The following ZP3 variants were observed in gnomAD, a reference collection of about 807,000 sequenced individuals.
The protein encoded by ZP3 is zona pellucida glycoprotein 3.
Under a neutral mutation model 35.6 loss-of-function variants are expected in ZP3, and 21 were observed. The observed-to-expected ratio is 0.59, with a 90% CI of 0.42 to 0.85. ZP3 has a LOEUF of 0.85. ZP3 is among the 40% of genes least tolerant of loss of function. The pLI, the probability that ZP3 is intolerant of heterozygous loss-of-function variation, is 0.00. For missense variants in ZP3, 437 were observed against 536.5 expected (o/e 0.81, Z 1.83); for synonymous variants, 207 against 214.5 (o/e 0.96, Z 0.31).
chr7:76,401,008 C>G, intron 1 of ZP3: 1 of 1,550,558 alleles, frequency 6.4e-7, no homozygotes, highest in Non-Finnish European at 8.7e-7. Flanking sequence ...GGGCACCTAC[C>G]TTGAAAGGGC....
chr7:76,414,223 C>G (rs568257725), intron 1 of ZP3, among the ~76,000 whole-genome samples: 2 of 151,744 alleles, frequency 1.3e-5, no homozygotes, highest in East Asian at 1.9e-4. Flanking sequence ...TCTTGAACTC[C>G]TGGCCTCAAG....
At chr7:76,403,886 C>T (rs1230205177) in intron 1 of ZP3, among the ~76,000 whole-genome samples, 7 of 152,108 alleles carry the variant, frequency 4.6e-5, no homozygotes, top group Admixed American at 4.6e-4. Context: ...TGGTCTCAAA[C>T]TCCTGATCTC....
intron 1 of ZP3, chr7:76,429,153 G>A: frequency 3.6e-6 from 1 of 274,486 alleles, no homozygotes; most frequent in Non-Finnish European, 7.3e-6. Context: ...GTGTTACATG[G>A]TATCTGCCAT....
At chr7:76,433,724 AGT>A in intron 4 of ZP3, 77 bp downstream of exon 4, 1 of 1,439,638 alleles carries the variant, frequency 6.9e-7, no homozygotes, top group African/African-American at 1.4e-5. Flanking sequence ...TTTTTGAGAC[AGT>A]GTCACTCTGT....
intron 1 of ZP3, among the ~76,000 whole-genome samples, chr7:76,398,064 G>C (rs1444147062): frequency 6.6e-6 from 1 of 152,058 alleles, no homozygotes; most frequent in Non-Finnish European, 1.5e-5. Flanking sequence ...AGCCTGGGAC[G>C]TGCTGCCTTC....
chr7:76,411,015 A>G (rs2115836721), intron 1 of ZP3, among the ~76,000 whole-genome samples: 1 of 149,664 alleles, frequency 6.7e-6, no homozygotes, highest in East Asian at 2.0e-4. Context: ...AAAAAAAAAA[A>G]AAGAAAAGAA....
chr7:76,406,114 T>C (rs914254026), intron 1 of ZP3, among the ~76,000 whole-genome samples: 12 of 151,884 alleles, frequency 7.9e-5, no homozygotes, highest in African/African-American at 2.9e-4. Flanking sequence ...GCCTCCTGAG[T>C]AGCTGGGATT....
At chr7:76,440,725 C>A in intron 7 of ZP3, 114 bp downstream of exon 7, 1 of 1,486,218 alleles carries the variant, frequency 6.7e-7, no homozygotes, top group South Asian at 1.4e-5. Flanking sequence ...ACTGTTTGTA[C>A]CTAGGCCTGC....
chr7:76,422,685 A>C (rs993841339), upstream of ZP3, among the ~76,000 whole-genome samples: 2 of 147,558 alleles, frequency 1.4e-5, no homozygotes, highest in Non-Finnish European at 3.0e-5. Context: ...TCTCAAAAAA[A>C]AAAAAAAGAA....
chr7:76,417,223 A>C (rs1274269877), intron 1 of ZP3, among the ~76,000 whole-genome samples: 2 of 151,508 alleles, frequency 1.3e-5, no homozygotes, highest in Non-Finnish European at 2.9e-5. Flanking sequence ...ATGCCCGGCT[A>C]ATTTGTTGTA....
intron 1 of ZP3, among the ~76,000 whole-genome samples, chr7:76,405,340 T>TTTCTTTC (rs3081031): frequency 0.17 from 8,105 of 48,890 alleles, 1,966 homozygotes; most frequent in African/African-American, 0.33. Context: ...TCTTTCTTTC[T>TTTCTTTC]TTTTTTTTTT....
At chr7:76,420,103 C>T (rs1285415644), upstream of ZP3, among the ~76,000 whole-genome samples, 2 of 151,040 alleles carry the variant, frequency 1.3e-5, no homozygotes, top group Non-Finnish European at 3.0e-5. Flanking sequence ...CACCCAGCCT[C>T]TTCTTTCTCT....
chr7:76,421,787 C>A (rs918020703), upstream of ZP3, among the ~76,000 whole-genome samples: 1 of 151,710 alleles, frequency 6.6e-6, no homozygotes, highest in Admixed American at 6.6e-5. Context: ...TATTCTTCCT[C>A]CTCTCTTGCA....
Position 76,429,594 on chromosome 7 carries a change from C to T in ZP3, c.392C>T (p.Thr131Ile), listed in dbSNP as rs1425169174. The T allele has an allele frequency of 6.2e-7, 1 of 1,614,118 alleles. No homozygotes were observed. ...RPVGNLSIVR[T>I]NRAEIPIECR... ...GTGGGAAACCTGTCCATCGTGAGGA[C>T]TAACCGCGCAGAGATTCCCATCGAG... is the stretch of plus-strand genomic sequence containing the variant. The change falls in exon 2 of 8, where the codon ACT becomes ATT. Residue 131 changes from threonine (T) to isoleucine (I), a missense_variant. Thr to Ile is a moderately conservative substitution (Grantham distance 89). This residue lies in a region of ZP3 where 352 missense variants were observed against 308.4 expected (regional missense o/e 1.14). Transcript: ENST00000394857.
At chr7:76,412,812 G>A (rs1805281304) in intron 1 of ZP3, among the ~76,000 whole-genome samples, 1 of 150,834 alleles carries the variant, frequency 6.6e-6, no homozygotes, top group Non-Finnish European at 1.5e-5. Flanking sequence ...TCGCGCCATT[G>A]CACTCCAGCC....
At position 76,398,734 on chromosome 7, in the gene ZP3, A is replaced by G. The variant is rs199969827; in HGVS notation, c.-67+937A>G. The G allele has an allele frequency of 5.6e-6, 9 of 1,613,364 alleles. No individual in the cohort carries two copies. In the East Asian group the frequency reaches 2.0e-4, roughly 36 times the overall value. On this transcript the variant is annotated intron_variant, in intron 1 of 8. Transcript: ENST00000336517. ...TGCTTACGTACTTTTTCCATTCGGCAGTGTCGTAGGAGGTGCTCTACTGGT... is the reference window on the plus strand; with the variant it reads ...TGCTTACGTACTTTTTCCATTCGGCGGTGTCGTAGGAGGTGCTCTACTGGT...
At chr7:76,432,835 G>A in intron 2 of ZP3, 92 bp from the exon 3 acceptor site, 1 of 1,085,210 alleles carries the variant, frequency 9.2e-7, no homozygotes, top group Non-Finnish European at 1.4e-6. Flanking sequence ...TGAGGACCCT[G>A]TAGTGGGGTA....
At chr7:76,439,326 A>C (rs113599682) in intron 5 of ZP3, among the ~76,000 whole-genome samples, 4,648 of 149,404 alleles carry the variant, frequency 0.031, no homozygotes, top group African/African-American at 0.11. Context: ...GCAGCGTCAG[A>C]AGCCCAGCTA....
chr7:76,416,667 C>T (rs1413088795), intron 1 of ZP3, among the ~76,000 whole-genome samples: 2 of 151,694 alleles, frequency 1.3e-5, no homozygotes, highest in Non-Finnish European at 2.9e-5. Flanking sequence ...GGTGTACTGG[C>T]ATGCACCTGT....
Sources: gnomAD v4.1 joint callset for allele counts (sites outside exome capture counted in the v4.1 genomes callset) on GRCh38, gnomAD v4.1.1 for gene constraint, gnomAD v4.1.1 regional missense constraint, MANE v1.5 for transcripts, NCBI Gene and HGNC (gene_info 2026-07-23, HGNC 2026-07-21) for gene names.